The following DOCK1 variants were observed in gnomAD, a reference collection of about 807,000 sequenced individuals.
The protein encoded by DOCK1 is dedicator of cytokinesis protein 1.
Under a neutral mutation model 262.7 loss-of-function variants are expected in DOCK1, and 138 were observed. The ratio of observed to expected loss-of-function variants is 0.53; its 90% CI spans 0.46 to 0.61. The LOEUF (loss-of-function observed/expected upper bound fraction) is 0.61. DOCK1 is among the 20% of genes least tolerant of loss of function. DOCK1 has a pLI of 0.00. For synonymous variants in DOCK1, 866 were observed against 867.4 expected, an observed-to-expected ratio of 1.00 and a Z score of 0.03; for missense variants, 1,908 against 2,370.7, an observed-to-expected ratio of 0.80 and a Z score of 4.05.
At chr10:127,287,502 T>C (rs1375106264) in intron 29 of DOCK1, among the ~76,000 whole-genome samples, 3 of 152,144 alleles carry the variant, frequency 2.0e-5, no homozygotes, top group South Asian at 4.1e-4. Context: ...CCATTTTTTT[T>C]CCTTATAATT....
intron 29 of DOCK1, among the ~76,000 whole-genome samples, chr10:127,303,541 G>A (rs927194674): frequency 1.3e-5 from 2 of 151,920 alleles, no homozygotes; most frequent in African/African-American, 4.8e-5. Flanking sequence ...GAAAAAAAAA[G>A]GTTGGCCAGG....
intron 31 of DOCK1, among the ~76,000 whole-genome samples, chr10:127,347,277 A>C (rs984218780): frequency 6.6e-6 from 1 of 152,198 alleles, no homozygotes; most frequent in Non-Finnish European, 1.5e-5. Flanking sequence ...CCGGGGACAA[A>C]GACACAGACC....
intron 28 of DOCK1, among the ~76,000 whole-genome samples, chr10:127,252,800 T>C (rs1203411566): frequency 6.6e-6 from 1 of 152,012 alleles, no homozygotes; most frequent in African/African-American, 2.4e-5. Context: ...CCTTGTAGTG[T>C]AGTTTGAAGT....
At chr10:127,115,357 G>T (rs2049118891) in intron 25 of DOCK1, among the ~76,000 whole-genome samples, 1 of 152,144 alleles carries the variant, frequency 6.6e-6, no homozygotes, top group Non-Finnish European at 1.5e-5. Context: ...TTTAAGCTTT[G>T]TCTCGCCATG....
chr10:127,408,198 C>T (rs1345968125), intron 40 of DOCK1, among the ~76,000 whole-genome samples: 1 of 152,170 alleles, frequency 6.6e-6, no homozygotes, highest in Non-Finnish European at 1.5e-5. Flanking sequence ...CTCCCCTCCC[C>T]GCCCCGGACT....
At chr10:127,413,476 G>A (rs1352198237) in intron 43 of DOCK1, among the ~76,000 whole-genome samples, 1 of 152,250 alleles carries the variant, frequency 6.6e-6, no homozygotes, top group African/African-American at 2.4e-5. Context: ...CGGGGAGCCT[G>A]GCTCCAAGTG....
rs571293804 is a variant in DOCK1, at chr10:127,163,334, C to T, written c.2847+35570C>T. On this transcript the variant is annotated intron_variant, in intron 27 of 51. Transcript: ENST00000623213. ...CCTCCCTCCCTGCTTGAGACTTCTC[C>T]GCCACATTTATCGCCATGGAGTATA... Among the ~76,000 whole-genome samples, 7 of 152,116 alleles carry T rather than the reference C, an allele frequency of 4.6e-5. No individual in the cohort carries two copies. In the East Asian group the frequency reaches 5.8e-4, roughly 13 times the overall value.
intron 25 of DOCK1, among the ~76,000 whole-genome samples, chr10:127,124,471 G>A (rs956635734): frequency 2.0e-5 from 3 of 152,172 alleles, no homozygotes; most frequent in Non-Finnish European, 2.9e-5. Flanking sequence ...TTTCCCAACT[G>A]GAAGAGACAA....
chr10:127,448,505 A>G (rs1344723448), intron 51 of DOCK1, among the ~76,000 whole-genome samples: 1 of 152,156 alleles, frequency 6.6e-6, no homozygotes, highest in African/African-American at 2.4e-5. Context: ...TGTCGGGCCC[A>G]GGCATGTGTG....
At position 127,023,255 on chromosome 10, in the gene DOCK1, A is replaced by C; in HGVS notation, c.1383A>C (p.Gly461=). ...TAGTTCAAGGAGATTTTGATAAAGG[A>C]AGCAAAACAACAGCGAAGAACGTGG... The part of the protein sequence containing the change: ...VTLVQGDFDK[G]SKTTAKNVEV... The change falls in exon 14 of 52, where the codon GGA becomes GGC. Residue 461 remains glycine (G), a synonymous_variant. Transcript: ENST00000623213. 1 of 1,614,010 alleles carries C rather than the reference A, an allele frequency of 6.2e-7. No individual in the cohort carries two copies. The highest frequency in any genetic ancestry group is 1.3e-5 in the African/African-American group (1 of 75,048).
intron 27 of DOCK1, among the ~76,000 whole-genome samples, chr10:127,177,776 G>A (rs1836161671): frequency 6.6e-6 from 1 of 152,266 alleles, no homozygotes; most frequent in Non-Finnish European, 1.5e-5. Context: ...TGCTTCTGGA[G>A]TGAGGTGGTT....
intron 6 of DOCK1, among the ~76,000 whole-genome samples, chr10:126,994,693 A>G (rs1322163422): frequency 6.6e-6 from 1 of 152,242 alleles, no homozygotes; most frequent in African/African-American, 2.4e-5. Context: ...AATACAGAAC[A>G]AAATGGAGTC....
At chr10:126,982,171 T>C (rs1308148128) in intron 4 of DOCK1, among the ~76,000 whole-genome samples, 198 bp downstream of exon 4, 1 of 152,204 alleles carries the variant, frequency 6.6e-6, no homozygotes, top group Non-Finnish European at 1.5e-5. Flanking sequence ...TTATGGAGTC[T>C]GAAGTCAGCA....
chr10:127,151,454 T>C (rs1403474601), intron 27 of DOCK1, among the ~76,000 whole-genome samples: 1 of 152,208 alleles, frequency 6.6e-6, no homozygotes, highest in Admixed American at 6.5e-5. Context: ...TTTGTCATTG[T>C]GACCACTCCA....
chr10:127,428,967 G>A (rs558857592), intron 47 of DOCK1, among the ~76,000 whole-genome samples: 5 of 136,456 alleles, frequency 3.7e-5, no homozygotes, highest in Admixed American at 2.2e-4. Context: ...GTGTGGATTC[G>A]GGTACCATGT....
chr10:127,021,023 T>C (rs1209827348), intron 13 of DOCK1, among the ~76,000 whole-genome samples: 1 of 152,210 alleles, frequency 6.6e-6, no homozygotes, highest in Non-Finnish European at 1.5e-5. Context: ...CCACTATGTC[T>C]GCTTCTAGTT....
intron 22 of DOCK1, among the ~76,000 whole-genome samples, chr10:127,054,068 A>G (rs2044958083): frequency 6.6e-6 from 1 of 152,194 alleles, no homozygotes; most frequent in Non-Finnish European, 1.5e-5. Context: ...CCTATTAACG[A>G]GAATAAGGAA....
At chr10:127,124,661 C>T (rs901055925) in intron 25 of DOCK1, among the ~76,000 whole-genome samples, 4 of 152,268 alleles carry the variant, frequency 2.6e-5, no homozygotes, top group Admixed American at 2.0e-4. Context: ...CAGAGTGGGG[C>T]CTCTGCACCT....
chr10:127,172,859 C>T (rs1337709147), intron 27 of DOCK1, among the ~76,000 whole-genome samples: 1 of 152,286 alleles, frequency 6.6e-6, no homozygotes, highest in African/African-American at 2.4e-5. Context: ...AATGACATTT[C>T]GTGATGATGG....
Sources: gnomAD v4.1 joint callset for allele counts (sites outside exome capture counted in the v4.1 genomes callset) on GRCh38, gnomAD v4.1.1 for gene constraint, MANE v1.5 for transcripts, NCBI Gene and HGNC (gene_info 2026-07-23, HGNC 2026-07-21) for gene names.